GNA14: variants seen among roughly 807,000 people sequenced by gnomAD.
GNA14 encodes the protein G protein subunit alpha 14.
Under a neutral mutation model 42.0 loss-of-function variants are expected in GNA14, and 50 were observed. The observed-to-expected ratio is 1.19, with a 90% confidence interval of 0.95 to 1.51. The LOEUF is 1.51. Among genes scored for constraint, GNA14 ranks in the 40% most tolerant of loss-of-function variants. GNA14 has a pLI of 0.00. For missense variants in GNA14, 473 were observed against 446.2 expected, an observed-to-expected ratio of 1.06 and a Z score of -0.54; for synonymous variants, 173 against 163.1, an observed-to-expected ratio of 1.06 and a Z score of -0.46.
At chr9:77,502,566 A>G (rs558775924) in intron 2 of GNA14, among the ~76,000 whole-genome samples, 168 of 152,106 alleles carry the variant, frequency 1.1e-3, no homozygotes, top group African/African-American at 3.9e-3. Context: ...GCTGCTCCCC[A>G]TGTGATCTTT....
intron 1 of GNA14, among the ~76,000 whole-genome samples, chr9:77,625,832 G>A (rs569485633): frequency 6.6e-6 from 1 of 152,194 alleles, no homozygotes; most frequent in South Asian, 2.1e-4. Context: ...ATCAACTAAT[G>A]TGCAAAATAA....
intron 1 of GNA14, among the ~76,000 whole-genome samples, chr9:77,579,384 A>G (rs544480402): frequency 2.6e-5 from 4 of 152,104 alleles, no homozygotes; most frequent in African/African-American, 4.8e-5. Flanking sequence ...CCCTTCCCCA[A>G]CAATAGACAA....
At chr9:77,442,214 A>T (rs950580772) in intron 2 of GNA14, among the ~76,000 whole-genome samples, 2 of 152,220 alleles carry the variant, frequency 1.3e-5, no homozygotes, top group Non-Finnish European at 1.5e-5. Context: ...TCTACTAAAA[A>T]TACAAAAAAT....
intron 1 of GNA14, among the ~76,000 whole-genome samples, chr9:77,591,216 C>T (rs911626588): frequency 6.6e-6 from 1 of 152,196 alleles, no homozygotes; most frequent in Non-Finnish European, 1.5e-5. Context: ...ACTACATAGG[C>T]CTCCCAAAGT....
At chr9:77,576,009 T>C (rs1274966712) in intron 1 of GNA14, among the ~76,000 whole-genome samples, 1 of 152,218 alleles carries the variant, frequency 6.6e-6, no homozygotes, top group Non-Finnish European at 1.5e-5. Flanking sequence ...TGCTGAAATG[T>C]TGTTGCAATG....
intron 2 of GNA14, among the ~76,000 whole-genome samples, chr9:77,499,531 A>C (rs1402120860): frequency 6.6e-6 from 1 of 152,146 alleles, no homozygotes; most frequent in Non-Finnish European, 1.5e-5. Context: ...GTATACATAC[A>C]AAAAGGCCAC....
chr9:77,467,039 C>T (rs1295868981), intron 2 of GNA14, among the ~76,000 whole-genome samples: 1 of 97,974 alleles, frequency 1.0e-5, no homozygotes, highest in Non-Finnish European at 2.1e-5. Context: ...GTGTGTGTGT[C>T]TTGGAGACTG....
chr9:77,505,494 C>T (rs188126804), intron 2 of GNA14, among the ~76,000 whole-genome samples: 1 of 152,300 alleles, frequency 6.6e-6, no homozygotes, highest in East Asian at 1.9e-4. Flanking sequence ...ACTGGAAGTC[C>T]TTCATGGCAG....
intron 2 of GNA14, among the ~76,000 whole-genome samples, chr9:77,515,921 C>A (rs1587811636): frequency 7.1e-6 from 1 of 140,098 alleles, no homozygotes; most frequent in Non-Finnish European, 1.5e-5. Context: ...GATCATGCCA[C>A]TGCACTCAAC....
intron 1 of GNA14, among the ~76,000 whole-genome samples, chr9:77,559,485 G>A (rs1822845421): frequency 6.6e-6 from 1 of 152,216 alleles, no homozygotes; most frequent in Non-Finnish European, 1.5e-5. Context: ...CTTTGATGGA[G>A]AAGATGAAGA....
At chr9:77,571,764 A>AG (rs918743886) in intron 1 of GNA14, among the ~76,000 whole-genome samples, 8 of 151,964 alleles carry the variant, frequency 5.3e-5, no homozygotes, top group Non-Finnish European at 1.0e-4. Flanking sequence ...TTCAAAAAAA[A>AG]AAAAAAAGGT....
At chr9:77,572,816 T>C (rs538821885) in intron 1 of GNA14, among the ~76,000 whole-genome samples, 2 of 152,296 alleles carry the variant, frequency 1.3e-5, no homozygotes, top group Admixed American at 1.3e-4. Context: ...ATTAGGATGC[T>C]CTGAATGCTT....
intron 1 of GNA14, among the ~76,000 whole-genome samples, chr9:77,552,175 ACAAT>A (rs1275858191): frequency 6.6e-6 from 1 of 151,798 alleles, no homozygotes; most frequent in African/African-American, 2.4e-5. Flanking sequence ...TTCAACACAA[ACAAT>A]CAATTATTCC....
chr9:77,585,481 C>T (rs1823288904), intron 1 of GNA14, among the ~76,000 whole-genome samples: 1 of 152,162 alleles, frequency 6.6e-6, no homozygotes, highest in South Asian at 2.1e-4. Flanking sequence ...CATAACAAAC[C>T]TTACCTTTCT....
intron 1 of GNA14, among the ~76,000 whole-genome samples, chr9:77,581,732 C>T (rs1486488240): frequency 2.6e-5 from 4 of 152,196 alleles, no homozygotes; most frequent in African/African-American, 9.7e-5. Context: ...ATCCTTAGGA[C>T]CCAGGGTAGC....
At chr9:77,550,510 T>C (rs1837775310) in intron 1 of GNA14, among the ~76,000 whole-genome samples, 1 of 152,226 alleles carries the variant, frequency 6.6e-6, no homozygotes, top group South Asian at 2.1e-4. Flanking sequence ...AGTAATGTCA[T>C]GTGGTCACAT....
intron 1 of GNA14, among the ~76,000 whole-genome samples, chr9:77,541,751 T>A (rs1837663515): frequency 6.6e-6 from 1 of 152,132 alleles, no homozygotes; most frequent in Non-Finnish European, 1.5e-5. Flanking sequence ...TTTCTTTATT[T>A]TTGTCTGATT....
At chr9:77,621,308 A>C (rs1205183353) in intron 1 of GNA14, among the ~76,000 whole-genome samples, 2 of 152,184 alleles carry the variant, frequency 1.3e-5, no homozygotes, top group African/African-American at 4.8e-5. Context: ...TTTTTGGATA[A>C]ATTTTTGGTC....
chr9:77,629,715 ACC>A (rs1330322736), intron 1 of GNA14, among the ~76,000 whole-genome samples: 4 of 152,182 alleles, frequency 2.6e-5, no homozygotes, highest in Non-Finnish European at 4.4e-5. Context: ...AACATCACAT[ACC>A]GGGTTCTGTC....
Sources: gnomAD v4.1 joint callset for allele counts (sites outside exome capture counted in the v4.1 genomes callset) on GRCh38, gnomAD v4.1.1 for gene constraint, MANE v1.5 for transcripts, NCBI Gene and HGNC (gene_info 2026-07-23, HGNC 2026-07-21) for gene names.